Variants in DLG2 observed in about 807,000 individuals in gnomAD.
The protein encoded by DLG2 is disks large homolog 2.
A neutral mutation model predicts 132.5 loss-of-function variants in DLG2; 45 were observed. The ratio of observed to expected loss-of-function variants is 0.34; its 90% CI spans 0.27 to 0.44. The LOEUF (loss-of-function observed/expected upper bound fraction) is 0.44. DLG2 is among the 20% of genes least tolerant of loss of function. The pLI, the probability that DLG2 is intolerant of heterozygous loss-of-function variation, is 1.00. For missense variants in DLG2, 1,045 were observed against 1,196.9 expected (o/e 0.87, Z 1.87); for synonymous variants, 424 against 419.6 (o/e 1.01, Z -0.13).
chr11:85,626,858 C>T (rs2082057926), intron 1 of DLG2, 105 bp from the exon 2 acceptor site: 1 of 152,140 alleles, frequency 6.6e-6, no homozygotes, highest in African/African-American at 2.4e-5. Flanking sequence ...TCAAGTTTTT[C>T]AATTTTCAGA....
rs570792124 is a variant in DLG2, at chr11:84,234,911, C to T, written c.573+16327G>A. 2.6e-5 allele frequency among the ~76,000 whole-genome samples: 4 copies of T among 152,318 alleles called. No homozygotes were observed. In the South Asian group the frequency reaches 8.3e-4, roughly 32 times the overall value. On this transcript the variant is annotated intron_variant, in intron 8 of 27. Transcript: ENST00000376104. ...AGAAAATCCCCTCCCCTTTCCAGGA[C>T]TTTTTCATGATCCAAGAGAGAATTA...
At chr11:84,082,777 C>T (rs1019450306) in intron 10 of DLG2, among the ~76,000 whole-genome samples, 1 of 152,162 alleles carries the variant, frequency 6.6e-6, no homozygotes, top group Non-Finnish European at 1.5e-5. Flanking sequence ...AACCTCTTTA[C>T]ACCTCCATAG....
At chr11:83,946,283 C>A (rs1459715844) in intron 14 of DLG2, among the ~76,000 whole-genome samples, 3 of 152,180 alleles carry the variant, frequency 2.0e-5, no homozygotes, top group Non-Finnish European at 4.4e-5. Context: ...CCACCACACC[C>A]AGCCAACTTC....
chr11:83,855,071 A>C (rs922029605), intron 16 of DLG2, among the ~76,000 whole-genome samples: 2 of 152,196 alleles, frequency 1.3e-5, no homozygotes, highest in African/African-American at 4.8e-5. Flanking sequence ...ACATGAAAAG[A>C]CGCCTCACAT....
chr11:84,321,116 C>G (rs768193418), intron 7 of DLG2, among the ~76,000 whole-genome samples: 2 of 152,296 alleles, frequency 1.3e-5, no homozygotes, highest in African/African-American at 2.4e-5. Context: ...ACTAATGTCA[C>G]TTCTGTAAGC....
At chr11:83,579,926 C>T (rs1183362732) in intron 19 of DLG2, among the ~76,000 whole-genome samples, 2 of 151,720 alleles carry the variant, frequency 1.3e-5, no homozygotes, top group African/African-American at 2.4e-5. Context: ...GCCGAGATCT[C>T]GCCACTGCAC....
At chr11:83,692,729 T>C (rs960601699) in intron 18 of DLG2, among the ~76,000 whole-genome samples, 1 of 152,220 alleles carries the variant, frequency 6.6e-6, no homozygotes, top group Non-Finnish European at 1.5e-5. Flanking sequence ...ATTACTACTT[T>C]GAGGCAGAGA....
chr11:85,088,977 G>A (rs2068347507), intron 6 of DLG2, among the ~76,000 whole-genome samples: 1 of 152,136 alleles, frequency 6.6e-6, no homozygotes, highest in Admixed American at 6.6e-5. Flanking sequence ...TAATATAGTA[G>A]ACAATCACAA....
At chr11:85,001,697 C>T (rs1304389565) in intron 6 of DLG2, among the ~76,000 whole-genome samples, 1 of 152,138 alleles carries the variant, frequency 6.6e-6, no homozygotes, top group East Asian at 1.9e-4. Context: ...CATGCTACTA[C>T]AAATTTGTAT....
At chr11:84,490,796 T>C (rs1164513364) in intron 7 of DLG2, among the ~76,000 whole-genome samples, 1 of 152,080 alleles carries the variant, frequency 6.6e-6, no homozygotes, top group African/African-American at 2.4e-5. Context: ...TGCCCAGTTT[T>C]CTTGTTTTGA....
At chr11:84,767,617 T>G (rs2068616838) in intron 6 of DLG2, among the ~76,000 whole-genome samples, 2 of 152,072 alleles carry the variant, frequency 1.3e-5, no homozygotes, top group Admixed American at 1.3e-4. Context: ...ACATGTTTCC[T>G]GTCAAGATTT....
At chr11:83,594,908 A>G (rs995298331) in intron 19 of DLG2, among the ~76,000 whole-genome samples, 4 of 152,238 alleles carry the variant, frequency 2.6e-5, no homozygotes, top group African/African-American at 9.6e-5. Flanking sequence ...GCTGAGTTTG[A>G]ACTAAAAGGT....
At chr11:83,814,307 G>A (rs1382998339) in intron 17 of DLG2, among the ~76,000 whole-genome samples, 3 of 152,078 alleles carry the variant, frequency 2.0e-5, no homozygotes, top group East Asian at 1.9e-4. Context: ...TAATAAAAGC[G>A]ATAGAGGCTA....
At chr11:84,856,766 A>C (rs1223475882) in intron 6 of DLG2, among the ~76,000 whole-genome samples, 3 of 152,084 alleles carry the variant, frequency 2.0e-5, no homozygotes, top group Non-Finnish European at 4.4e-5. Context: ...CATAACTTTC[A>C]AGGCTCTGCC....
intron 15 of DLG2, among the ~76,000 whole-genome samples, chr11:83,906,219 T>C (rs1245857551): frequency 6.8e-6 from 1 of 148,072 alleles, no homozygotes; most frequent in African/African-American, 2.5e-5. Flanking sequence ...ACTGGAAGAT[T>C]GCTATAGTAG....
intron 3 of DLG2, among the ~76,000 whole-genome samples, chr11:85,567,833 A>C (rs2077612410): frequency 6.6e-6 from 1 of 152,112 alleles, no homozygotes; most frequent in Non-Finnish European, 1.5e-5. Context: ...TGTATTATGA[A>C]AATGTGTTAG....
chr11:84,742,454 C>A (rs2064809845), intron 6 of DLG2, among the ~76,000 whole-genome samples: 1 of 152,156 alleles, frequency 6.6e-6, no homozygotes, highest in Admixed American at 6.5e-5. Context: ...CAATGAATTA[C>A]TCAGCAGAAA....
chr11:85,349,775 T>A (rs1444055733), intron 3 of DLG2, among the ~76,000 whole-genome samples: 1 of 152,158 alleles, frequency 6.6e-6, no homozygotes, highest in Non-Finnish European at 1.5e-5. Context: ...TATTCCATGG[T>A]GTATATGTGC....
At chr11:84,441,251 A>C (rs1411444247) in intron 7 of DLG2, among the ~76,000 whole-genome samples, 1 of 151,912 alleles carries the variant, frequency 6.6e-6, no homozygotes, top group Non-Finnish European at 1.5e-5. Flanking sequence ...GGCTCAAGTA[A>C]TCTTCCTCCC....
Sources: allele counts gnomAD v4.1 joint callset (sites outside exome capture counted in the v4.1 genomes callset), GRCh38; gene constraint gnomAD v4.1.1; transcripts MANE v1.5; gene names NCBI Gene and HGNC (gene_info 2026-07-23, HGNC 2026-07-21).